Variants in DYNC1LI1 observed in about 807,000 individuals in gnomAD.
DYNC1LI1 encodes the protein dynein cytoplasmic 1 light intermediate chain 1, also known as cytoplasmic dynein 1 light intermediate chain 1.
Under a neutral mutation model 63.8 loss-of-function variants are expected in DYNC1LI1, and 19 were observed. The ratio of observed to expected loss-of-function variants is 0.30; its 90% CI spans 0.21 to 0.44. The LOEUF (loss-of-function observed/expected upper bound fraction) is 0.44. Among genes scored for constraint, DYNC1LI1 ranks in the 20% least tolerant of loss-of-function variants. The pLI, the probability that DYNC1LI1 is intolerant of heterozygous loss-of-function variation, is 1.00. For missense variants in DYNC1LI1, 565 were observed against 630.2 expected, an observed-to-expected ratio of 0.90 and a Z score of 1.11; for synonymous variants, 225 against 232.3, an observed-to-expected ratio of 0.97 and a Z score of 0.28.
rs774533926 is a variant in DYNC1LI1, at chr3:32,570,808, T to A, written c.-38A>T. 1 of 1,564,570 alleles carries A rather than the reference T, an allele frequency of 6.4e-7. No individual in the cohort carries two copies. Among genetic ancestry groups the A allele is most frequent in the South Asian group, 1.1e-5 (1 of 87,558 alleles). ...TCACACCACTCCCGGCAAGACTAAA[T>A]GTGCGAGGCGGCTGAGGCGGTGGCG... On this transcript the variant is annotated 5_prime_UTR_variant, in exon 1 of 13. Transcript: ENST00000273130.
At chr3:32,550,012 C>T (rs2125440131) in intron 2 of DYNC1LI1, among the ~76,000 whole-genome samples, 1 of 152,250 alleles carries the variant, frequency 6.6e-6, no homozygotes, top group East Asian at 1.9e-4. Context: ...ATTTGGTTAT[C>T]TCTGATGGCG....
chr3:32,543,279 T>C (rs1158044008), intron 4 of DYNC1LI1, among the ~76,000 whole-genome samples: 2 of 152,174 alleles, frequency 1.3e-5, no homozygotes, highest in Admixed American at 1.3e-4. Context: ...AATGATTTAC[T>C]ACATACATTT....
intron 7 of DYNC1LI1, among the ~76,000 whole-genome samples, chr3:32,533,620 C>T (rs1448060144): frequency 2.1e-5 from 3 of 144,520 alleles, no homozygotes; most frequent in Non-Finnish European, 4.5e-5. Context: ...GGTTGGAGTA[C>T]AGTGGCTCAA....
intron 4 of DYNC1LI1, among the ~76,000 whole-genome samples, chr3:32,543,233 A>G (rs1174794043): frequency 6.9e-6 from 1 of 145,900 alleles, no homozygotes; most frequent in Non-Finnish European, 1.5e-5. Flanking sequence ...TAGTAAACAG[A>G]AAAAAAAAAA....
Position 32,546,236 on chromosome 3 carries a change from C to T in DYNC1LI1, c.221-271G>A, listed in dbSNP as rs139810802. Reference sequence around the variant, plus strand: ...CAGCCTGGCCAACATGGTGAAACCCCGTCTCTACTAAAAGTAGAAAAATTA... The same window carrying T: ...CAGCCTGGCCAACATGGTGAAACCCTGTCTCTACTAAAAGTAGAAAAATTA... On this transcript the variant is annotated intron_variant, in intron 2 of 12. Transcript: ENST00000273130. Among the ~76,000 whole-genome samples, 668 of 152,132 alleles carry T rather than the reference C, an allele frequency of 4.4e-3. 6 individuals carry two copies. The highest frequency in any genetic ancestry group is 0.014 in the African/African-American group (570 of 41,512).
chr3:32,540,365 G>C (rs539016467), intron 5 of DYNC1LI1, among the ~76,000 whole-genome samples: 2 of 151,936 alleles, frequency 1.3e-5, no homozygotes, highest in African/African-American at 4.8e-5. Flanking sequence ...ATAATCCTCT[G>C]ATATTAGAGA....
chr3:32,528,214 A>G (rs761351922), intron 12 of DYNC1LI1, among the ~76,000 whole-genome samples: 13 of 150,470 alleles, frequency 8.6e-5, no homozygotes, highest in Middle Eastern at 3.4e-3. Flanking sequence ...CATACATTGT[A>G]TGACTCCATT....
chr3:32,526,957 T>G (rs1223335533), intron 12 of DYNC1LI1, 49 bp from the exon 13 acceptor site: 1 of 1,329,124 alleles, frequency 7.5e-7, no homozygotes, highest in Non-Finnish European at 1.1e-6. Flanking sequence ...TAAGTGAAAG[T>G]ATCGTTTTCA....
chr3:32,546,610 C>T (rs1229519898), intron 2 of DYNC1LI1, among the ~76,000 whole-genome samples: 1 of 152,106 alleles, frequency 6.6e-6, no homozygotes, highest in Admixed American at 6.6e-5. Flanking sequence ...GAATAAAAGA[C>T]TCTTACTCTT....
intron 6 of DYNC1LI1, among the ~76,000 whole-genome samples, chr3:32,536,110 AG>A (rs965138941): frequency 6.6e-6 from 1 of 152,220 alleles, no homozygotes; most frequent in Non-Finnish European, 1.5e-5. Flanking sequence ...TGAAGAGAAA[AG>A]GGGAAAGGGA....
chr3:32,557,747 C>T (rs1055198646), intron 2 of DYNC1LI1, among the ~76,000 whole-genome samples: 2 of 152,032 alleles, frequency 1.3e-5, no homozygotes, highest in Non-Finnish European at 1.5e-5. Context: ...GGGTTTCCAA[C>T]GATACTTGAA....
Position 32,527,938 on chromosome 3 carries a change from C to T in DYNC1LI1, c.1462+508G>A, listed in dbSNP as rs777048874. Reference sequence around the variant, plus strand: ...GAATTCGAGACCAGCCTGGCCAACACGGTGAAACACCGTTTCTACTAAAAA... The same window carrying T: ...GAATTCGAGACCAGCCTGGCCAACATGGTGAAACACCGTTTCTACTAAAAA... On this transcript the variant is annotated intron_variant, in intron 12 of 12. Transcript: ENST00000273130. Among the ~76,000 whole-genome samples, 6 of 151,144 alleles carry T rather than the reference C, an allele frequency of 4.0e-5. No homozygotes were observed. The South Asian group carries it at 8.4e-4, about 21-fold the overall frequency.
At chr3:32,537,527 T>C (rs961948904) in intron 5 of DYNC1LI1, among the ~76,000 whole-genome samples, 1 of 152,076 alleles carries the variant, frequency 6.6e-6, no homozygotes, top group African/African-American at 2.4e-5. Context: ...TCTCACCATT[T>C]CTTCTTTGTT....
At chr3:32,563,786 T>G (rs1028561621) in intron 2 of DYNC1LI1, among the ~76,000 whole-genome samples, 3 of 152,230 alleles carry the variant, frequency 2.0e-5, no homozygotes, top group African/African-American at 2.4e-5. Flanking sequence ...CTTTTGACAG[T>G]AGCACTGGGG....
intron 4 of DYNC1LI1, 77 bp downstream of exon 4, chr3:32,544,799 T>G: frequency 1.9e-6 from 2 of 1,071,970 alleles, no homozygotes; most frequent in Non-Finnish European, 2.8e-6. Context: ...TTTTTTATAG[T>G]CAAAAATTCC....
At chr3:32,545,450 T>C (rs1697939605) in intron 3 of DYNC1LI1, 2 of 340,748 alleles carry the variant, frequency 5.9e-6, no homozygotes, top group Non-Finnish European at 5.3e-6. Flanking sequence ...CAAGATATCA[T>C]ATACAAAAAT....
intron 2 of DYNC1LI1, among the ~76,000 whole-genome samples, chr3:32,567,057 T>C (rs533580080): frequency 6.6e-6 from 1 of 152,212 alleles, no homozygotes; most frequent in Non-Finnish European, 1.5e-5. Context: ...CAATAAATAT[T>C]TGGATTTTCC....
At chr3:32,549,959 G>A (rs935661937) in intron 2 of DYNC1LI1, among the ~76,000 whole-genome samples, 1 of 152,098 alleles carries the variant, frequency 6.6e-6, no homozygotes, top group African/African-American at 2.4e-5. Context: ...TCATGCATAA[G>A]CAAAAGAATA....
intron 2 of DYNC1LI1, among the ~76,000 whole-genome samples, chr3:32,547,972 A>C (rs953928288): frequency 6.6e-6 from 1 of 152,042 alleles, no homozygotes; most frequent in Non-Finnish European, 1.5e-5. Flanking sequence ...TGTATAATAT[A>C]TATGTGTGTG....
Sources: allele counts gnomAD v4.1 joint callset (sites outside exome capture counted in the v4.1 genomes callset), GRCh38; gene constraint gnomAD v4.1.1; transcripts MANE v1.5; gene names NCBI Gene and HGNC (gene_info 2026-07-23, HGNC 2026-07-21).